Variants in CCDC171 observed in about 807,000 individuals in gnomAD.
CCDC171 encodes coiled-coil domain containing 171, also known as coiled-coil domain-containing protein 171.
A neutral mutation model predicts 168.2 loss-of-function variants in CCDC171; 177 were observed. That is an observed-to-expected ratio of 1.05 (90% CI 0.93 to 1.19). CCDC171 has a LOEUF of 1.19. Among genes scored for constraint, CCDC171 ranks in the 50% most tolerant of loss-of-function variants. The pLI, the probability that CCDC171 is intolerant of heterozygous loss-of-function variation, is 0.00. For missense variants in CCDC171, 1,991 were observed against 1,539.0 expected (o/e 1.29, Z -4.91); for synonymous variants, 687 against 540.8 (o/e 1.27, Z -3.75).
chr9:15,725,600 C>T (rs570560885), intron 14 of CCDC171, among the ~76,000 whole-genome samples: 1 of 152,200 alleles, frequency 6.6e-6, no homozygotes, highest in African/African-American at 2.4e-5. Context: ...CAGGTGTCCA[C>T]CACCATGCCT....
At chr9:15,992,731 G>A (rs1195638157) in intron 3 of CCDC171, among the ~76,000 whole-genome samples, 1 of 152,176 alleles carries the variant, frequency 6.6e-6, no homozygotes. Flanking sequence ...AAGCTGATAA[G>A]CAACTTCAGC....
intron 11 of CCDC171, among the ~76,000 whole-genome samples, chr9:15,695,907 AT>A (rs1315851434): frequency 6.6e-6 from 1 of 152,326 alleles, no homozygotes; most frequent in Admixed American, 6.5e-5. Context: ...TTATATATTA[AT>A]TAGGTAGACA....
intron 7 of CCDC171, among the ~76,000 whole-genome samples, chr9:15,653,671 T>C (rs1229437219): frequency 6.6e-6 from 1 of 152,152 alleles, no homozygotes; most frequent in Non-Finnish European, 1.5e-5. Flanking sequence ...TAACTCCCAG[T>C]TTGATTATTT....
chr9:15,959,842 T>C (rs145907470), intron 25 of CCDC171, among the ~76,000 whole-genome samples: 89 of 152,220 alleles, frequency 5.8e-4, no homozygotes, highest in African/African-American at 2.0e-3. Context: ...AGGTAGAAAC[T>C]GAAAGAAATG....
chr9:15,585,720 G>A (rs2131356105), intron 4 of CCDC171, among the ~76,000 whole-genome samples: 1 of 152,258 alleles, frequency 6.6e-6, no homozygotes, highest in Non-Finnish European at 1.5e-5. Flanking sequence ...GCTCACACCT[G>A]TAATCCCAGC....
intron 24 of CCDC171, among the ~76,000 whole-genome samples, chr9:15,903,747 C>T (rs371184452): frequency 2.6e-5 from 4 of 152,134 alleles, no homozygotes; most frequent in Admixed American, 6.5e-5. Context: ...GGAGGAAGTT[C>T]GAACCCATGG....
intron 22 of CCDC171, among the ~76,000 whole-genome samples, chr9:15,848,676 G>A (rs1429797981): frequency 6.6e-6 from 1 of 151,070 alleles, no homozygotes; most frequent in African/African-American, 2.4e-5. Flanking sequence ...AGTTAAATGT[G>A]GAAATATATC....
At chr9:15,732,351 T>C (rs2054202160) in intron 16 of CCDC171, among the ~76,000 whole-genome samples, 1 of 152,142 alleles carries the variant, frequency 6.6e-6, no homozygotes, top group Admixed American at 6.5e-5. Context: ...AAATTAATTT[T>C]TGTGTGTGCT....
At chr9:15,857,376 C>A (rs771851913) in intron 23 of CCDC171, among the ~76,000 whole-genome samples, 5 of 151,860 alleles carry the variant, frequency 3.3e-5, no homozygotes, top group Non-Finnish European at 7.4e-5. Context: ...ATGTTTAAGT[C>A]TTTAATCCAT....
At chr9:15,936,667 G>A (rs1007948429) in intron 25 of CCDC171, among the ~76,000 whole-genome samples, 8 of 151,926 alleles carry the variant, frequency 5.3e-5, no homozygotes, top group African/African-American at 9.7e-5. Flanking sequence ...GAAATTAAAC[G>A]AGGACCTCTC....
chr9:15,845,059 G>T (rs2060837357), intron 21 of CCDC171, among the ~76,000 whole-genome samples: 1 of 152,056 alleles, frequency 6.6e-6, no homozygotes. Context: ...TCATTAGTTT[G>T]ATCTTCATAT....
intron 16 of CCDC171, among the ~76,000 whole-genome samples, chr9:15,730,661 A>G (rs1167396775): frequency 6.6e-6 from 1 of 151,824 alleles, no homozygotes; most frequent in Admixed American, 6.6e-5. Flanking sequence ...ATACATAAAT[A>G]AAATTATTAT....
At chr9:15,792,814 C>T (rs931819549) in intron 21 of CCDC171, among the ~76,000 whole-genome samples, 66 of 152,244 alleles carry the variant, frequency 4.3e-4, no homozygotes, top group African/African-American at 1.5e-3. Context: ...GCAAGAGCTC[C>T]TGAAGGAAGC....
At chr9:15,833,297 A>G (rs1306320604) in intron 21 of CCDC171, among the ~76,000 whole-genome samples, 1 of 152,080 alleles carries the variant, frequency 6.6e-6, no homozygotes, top group Non-Finnish European at 1.5e-5. Context: ...CGGCCTCATT[A>G]TGATCTCATG....
chr9:15,992,416 A>G (rs148677038), intron 3 of CCDC171, among the ~76,000 whole-genome samples: 3,448 of 152,288 alleles, frequency 0.023, 116 homozygotes, highest in African/African-American at 0.077. Flanking sequence ...AAAACTCTCA[A>G]TAAATTAGGT....
At position 15,695,287 on chromosome 9, in the gene CCDC171, A is replaced by G. The variant is rs768590118; in HGVS notation, c.1268A>G (p.Glu423Gly). Residue 423 changes from glutamate (E) to glycine (G), a missense_variant, in exon 11 of 26, where the codon GAA (glutamate) becomes GGA (glycine). Physicochemically the swap from Glu to Gly is moderately conservative, Grantham distance 98. Transcript: ENST00000380701. Reference protein sequence around the residue: ...LVETCENNVKELESILDSFTV... With the variant: ...LVETCENNVKGLESILDSFTV... ...GAGACATGTGAAAATAACGTGAAAG[A>G]ATTGGAATCGATCTTGGACAGCTTT... The G allele has an allele frequency of 1.2e-6, 2 of 1,614,116 alleles. No homozygotes were observed. The highest frequency in any genetic ancestry group is 2.2e-5 in the South Asian group (2 of 91,062).
At chr9:15,719,408 G>A (rs190422861) in intron 11 of CCDC171, among the ~76,000 whole-genome samples, 3,006 of 79,220 alleles carry the variant, frequency 0.038, 174 homozygotes, top group African/African-American at 0.12. Flanking sequence ...GGGGGGCGGG[G>A]CGGGGGAAAG....
At chr9:15,931,737 T>A (rs1397049194) in intron 25 of CCDC171, among the ~76,000 whole-genome samples, 1 of 151,734 alleles carries the variant, frequency 6.6e-6, no homozygotes, top group Non-Finnish European at 1.5e-5. Flanking sequence ...TTTCTTCTAG[T>A]GTTATCATAG....
At chr9:16,044,148 G>C (rs1399095812) in intron 1 of CCDC171, among the ~76,000 whole-genome samples, 1 of 152,220 alleles carries the variant, frequency 6.6e-6, no homozygotes, top group Non-Finnish European at 1.5e-5. Flanking sequence ...TCTTTTCAAA[G>C]AGAAATATGC....
Sources: allele counts gnomAD v4.1 joint callset (sites outside exome capture counted in the v4.1 genomes callset), GRCh38; gene constraint gnomAD v4.1.1; transcripts MANE v1.5; gene names NCBI Gene and HGNC (gene_info 2026-07-23, HGNC 2026-07-21).